Variants in CPNE4 observed in about 807,000 individuals in gnomAD.
CPNE4 encodes the protein copine-4.
In CPNE4, 25 loss-of-function variants were observed where a neutral mutation model predicts 67.9. That is an observed-to-expected ratio of 0.37 (90% CI 0.27 to 0.51). CPNE4 has a LOEUF of 0.51. CPNE4 is among the 20% of genes least tolerant of loss of function. The probability of loss-of-function intolerance (pLI) is 0.93; values close to 1 mark genes in which losing one functional copy is unlikely to be tolerated. For missense variants in CPNE4, 464 were observed against 690.8 expected, an observed-to-expected ratio of 0.67 and a Z score of 3.68; for synonymous variants, 242 against 244.9, an observed-to-expected ratio of 0.99 and a Z score of 0.11.
At chr3:131,742,742 A>C (rs1377210101) in intron 2 of CPNE4, among the ~76,000 whole-genome samples, 3 of 152,180 alleles carry the variant, frequency 2.0e-5, no homozygotes, top group Non-Finnish European at 4.4e-5. Flanking sequence ...TTACTTTGAA[A>C]TTTAAAAACA....
At chr3:131,785,931 T>C (rs541672351) in intron 2 of CPNE4, among the ~76,000 whole-genome samples, 4 of 152,278 alleles carry the variant, frequency 2.6e-5, no homozygotes, top group African/African-American at 9.6e-5. Flanking sequence ...ATCAGAACTA[T>C]GTTAAGTACT....
At chr3:131,779,326 T>A (rs971030270) in intron 2 of CPNE4, among the ~76,000 whole-genome samples, 10 of 152,034 alleles carry the variant, frequency 6.6e-5, no homozygotes, top group Admixed American at 5.9e-4. Context: ...GAATTAGATT[T>A]AAAAAAATCT....
chr3:131,755,331 T>C (rs57889273), intron 2 of CPNE4, among the ~76,000 whole-genome samples: 48,838 of 151,650 alleles, frequency 0.32, 8,052 homozygotes, highest in South Asian at 0.42. Context: ...CAAACCTCCA[T>C]AGGGGAGGAG....
At chr3:131,970,574 T>G (rs1037788550) in intron 1 of CPNE4, among the ~76,000 whole-genome samples, 18 of 152,274 alleles carry the variant, frequency 1.2e-4, no homozygotes, top group African/African-American at 4.1e-4. Context: ...AATTAAACTT[T>G]TATTTAAAGG....
chr3:131,646,876 G>T (rs948252902), intron 7 of CPNE4, among the ~76,000 whole-genome samples: 1 of 152,218 alleles, frequency 6.6e-6, no homozygotes, highest in Non-Finnish European at 1.5e-5. Flanking sequence ...TCTGGGCTCT[G>T]TTGCTGCTAG....
At chr3:132,011,583 T>C (rs1370128773) in intron 1 of CPNE4, among the ~76,000 whole-genome samples, 1 of 152,194 alleles carries the variant, frequency 6.6e-6, no homozygotes, top group African/African-American at 2.4e-5. Context: ...AGAATCATCA[T>C]TTAAGAAAGC....
chr3:131,653,584 C>A (rs1010175955), intron 7 of CPNE4, among the ~76,000 whole-genome samples: 1 of 152,176 alleles, frequency 6.6e-6, no homozygotes, highest in Non-Finnish European at 1.5e-5. Context: ...GCCCTCAGTG[C>A]CTCCCATTGC....
intron 2 of CPNE4, among the ~76,000 whole-genome samples, chr3:131,845,957 T>C (rs1342836634): frequency 2.0e-5 from 3 of 152,192 alleles, no homozygotes; most frequent in Non-Finnish European, 4.4e-5. Context: ...CATTGCCAGT[T>C]TGCATCCTTG....
chr3:131,602,508 G>A (rs1390118465), intron 7 of CPNE4, among the ~76,000 whole-genome samples: 1 of 152,094 alleles, frequency 6.6e-6, no homozygotes, highest in African/African-American at 2.4e-5. Context: ...CCAAGCTAGG[G>A]GACATTCCAC....
intron 1 of CPNE4, among the ~76,000 whole-genome samples, chr3:131,906,183 AT>A (rs1399816210): frequency 7.9e-6 from 1 of 126,110 alleles, no homozygotes; most frequent in Admixed American, 9.1e-5. Context: ...TCCATGTGAT[AT>A]CCTTTATTTT....
chr3:131,623,117 T>C (rs1375265112), intron 7 of CPNE4, among the ~76,000 whole-genome samples: 1 of 152,194 alleles, frequency 6.6e-6, no homozygotes, highest in Non-Finnish European at 1.5e-5. Context: ...ATGATAATTC[T>C]GTCTGCGATG....
chr3:131,907,037 G>T (rs1169254253), intron 1 of CPNE4, among the ~76,000 whole-genome samples: 1 of 152,000 alleles, frequency 6.6e-6, no homozygotes, highest in Non-Finnish European at 1.5e-5. Context: ...CCATCAAAAA[G>T]GGGGGGAAGG....
intron 7 of CPNE4, among the ~76,000 whole-genome samples, chr3:131,588,858 C>T (rs1401234419): frequency 6.6e-6 from 1 of 152,196 alleles, no homozygotes; most frequent in Non-Finnish European, 1.5e-5. Context: ...ACTGCTCCTT[C>T]TCATCTGCAT....
intron 7 of CPNE4, among the ~76,000 whole-genome samples, chr3:131,624,664 T>A (rs1205580649): frequency 6.6e-6 from 1 of 152,178 alleles, no homozygotes; most frequent in Non-Finnish European, 1.5e-5. Context: ...TAGATTCAAC[T>A]AATTTGAGAG....
At chr3:131,570,304 TC>T (rs1937267984) in intron 10 of CPNE4, among the ~76,000 whole-genome samples, 1 of 150,226 alleles carries the variant, frequency 6.7e-6, no homozygotes, top group Non-Finnish European at 1.5e-5. Flanking sequence ...TACCATTTTC[TC>T]TTTTTATTTA....
intron 1 of CPNE4, among the ~76,000 whole-genome samples, chr3:131,979,751 T>TG (rs2072857360): frequency 6.6e-6 from 1 of 152,114 alleles, no homozygotes; most frequent in Non-Finnish European, 1.5e-5. Context: ...ATCTTGAGTT[T>TG]TTTTTTTCCT....
intron 2 of CPNE4, among the ~76,000 whole-genome samples, chr3:131,777,630 C>T (rs1299388043): frequency 1.3e-5 from 2 of 152,038 alleles, no homozygotes; most frequent in Non-Finnish European, 2.9e-5. Flanking sequence ...GCGGTTGTCT[C>T]ATCAATAGCA....
At chr3:131,613,628 T>C (rs1394941735) in intron 7 of CPNE4, among the ~76,000 whole-genome samples, 2 of 152,194 alleles carry the variant, frequency 1.3e-5, no homozygotes, top group African/African-American at 4.8e-5. Context: ...TAAACCTAAG[T>C]ATTGCTTTGG....
intron 7 of CPNE4, among the ~76,000 whole-genome samples, chr3:131,593,778 C>T (rs1938677595): frequency 1.3e-5 from 2 of 152,128 alleles, no homozygotes; most frequent in African/African-American, 4.8e-5. Context: ...GTGGCATGAT[C>T]TCGGCTCACT....
Sources: gnomAD v4.1 joint callset for allele counts (sites outside exome capture counted in the v4.1 genomes callset) on GRCh38, gnomAD v4.1.1 for gene constraint, MANE v1.5 for transcripts, NCBI Gene and HGNC (gene_info 2026-07-23, HGNC 2026-07-21) for gene names.